The following RPRD2 variants were observed in gnomAD, a reference collection of about 807,000 sequenced individuals.
The protein encoded by RPRD2 is regulation of nuclear pre-mRNA domain-containing protein 2.
In RPRD2, 12 loss-of-function variants were observed where a neutral mutation model predicts 104.4. The ratio of observed to expected loss-of-function variants is 0.11; its 90% CI spans 0.07 to 0.19. The LOEUF (loss-of-function observed/expected upper bound fraction) is 0.19. RPRD2 is among the 10% of genes least tolerant of loss of function. The pLI, the probability that RPRD2 is intolerant of heterozygous loss-of-function variation, is 1.00. For missense variants in RPRD2, 1,543 were observed against 1,790.1 expected (o/e 0.86, Z 2.49); for synonymous variants, 714 against 684.9 (o/e 1.04, Z -0.66).
intron 2 of RPRD2, among the ~76,000 whole-genome samples, chr1:150,438,303 A>C (rs1666160560): frequency 3.4e-5 from 5 of 147,950 alleles, no homozygotes; most frequent in Admixed American, 6.8e-5. Flanking sequence ...AAAGAAAAGA[A>C]AAAAAGTCAT....
intron 1 of RPRD2, among the ~76,000 whole-genome samples, chr1:150,394,520 T>C (rs1336216875): frequency 6.6e-6 from 1 of 152,222 alleles, no homozygotes; most frequent in African/African-American, 2.4e-5. Context: ...CGGCAAGATA[T>C]TAACGATTGC....
chr1:150,423,542 G>T (rs1393298797), intron 2 of RPRD2, among the ~76,000 whole-genome samples: 4 of 152,122 alleles, frequency 2.6e-5, no homozygotes, highest in South Asian at 2.1e-4. Flanking sequence ...ACTCTTAAGG[G>T]TGTATAGAGA....
chr1:150,449,097 A>G lies in RPRD2; in HGVS notation c.870+2696A>G, dbSNP rs142739606. On this transcript the variant is annotated intron_variant, in intron 7 of 10. Transcript: ENST00000369068. Reference sequence around the variant, plus strand: ...CTGGGCAACATTGTGAGACCCTTCTATACATTAAAAGAAGAAAGAAAAGGA... The same window carrying G: ...CTGGGCAACATTGTGAGACCCTTCTGTACATTAAAAGAAGAAAGAAAAGGA... 4.3e-4 allele frequency among the ~76,000 whole-genome samples: 65 copies of G among 152,288 alleles called. No individual in the cohort carries two copies. The South Asian group carries it at 7.2e-3, about 17-fold the overall frequency.
chr1:150,443,362 G>T, intron 5 of RPRD2, 79 bp downstream of exon 5: 1 of 1,018,144 alleles, frequency 9.8e-7, no homozygotes, highest in Non-Finnish European at 1.5e-6. Context: ...AGTCCAATAA[G>T]ATTTATCTGT....
At chr1:150,375,907 C>T (rs1191253865) in intron 1 of RPRD2, among the ~76,000 whole-genome samples, 1 of 152,090 alleles carries the variant, frequency 6.6e-6, no homozygotes, top group Non-Finnish European at 1.5e-5. Flanking sequence ...ATCTATTTGT[C>T]AAGGAAACAA....
chr1:150,429,115 G>A (rs1665376982), intron 2 of RPRD2, among the ~76,000 whole-genome samples: 2 of 145,270 alleles, frequency 1.4e-5, no homozygotes, highest in Admixed American at 1.4e-4. Flanking sequence ...TTTTTTTAAT[G>A]GAGTTTTGCT....
chr1:150,375,207 C>G (rs1364411251), intron 1 of RPRD2, among the ~76,000 whole-genome samples: 1 of 152,132 alleles, frequency 6.6e-6, no homozygotes, highest in Non-Finnish European at 1.5e-5. Context: ...GCTGCTTAGT[C>G]TCTTACAGCA....
rs1367902002 is a variant in RPRD2 at position 150,444,393 on chromosome 1, T to G, written c.694+16T>G. 1.0e-5 allele frequency: 16 copies of G among 1,605,694 alleles called. No homozygotes were observed. The highest frequency in any genetic ancestry group is 1.4e-5 in the Non-Finnish European group (16 of 1,176,802). ...TGCTTAAAAGGTAATGCTTACATCC[T>G]TTTAGAGTAAGTCAGATTTTCTTTC... On this transcript the variant is annotated intron_variant, in intron 6 of 10. Coordinates refer to ENST00000369068, the MANE Select transcript of RPRD2 (RefSeq NM_015203.5).
intron 1 of RPRD2, among the ~76,000 whole-genome samples, chr1:150,373,609 T>C (rs1218066302): frequency 7.2e-6 from 1 of 139,344 alleles, no homozygotes; most frequent in Non-Finnish European, 1.5e-5. Flanking sequence ...GGGAAGGCTG[T>C]GAGTGGAGCA....
At chr1:150,369,829 G>A (rs1660166447) in intron 1 of RPRD2, among the ~76,000 whole-genome samples, 1 of 150,808 alleles carries the variant, frequency 6.6e-6, no homozygotes, top group Admixed American at 6.6e-5. Flanking sequence ...CGCCTAGGCT[G>A]GAGTACAGTG....
At chr1:150,429,562 C>T (rs1228852919) in intron 2 of RPRD2, among the ~76,000 whole-genome samples, 1 of 151,674 alleles carries the variant, frequency 6.6e-6, no homozygotes, top group African/African-American at 2.4e-5. Context: ...ACCATGTTGC[C>T]CAGGCTGGTC....
chr1:150,437,642 T>G (rs907031416), intron 2 of RPRD2, among the ~76,000 whole-genome samples: 1 of 152,020 alleles, frequency 6.6e-6, no homozygotes, highest in Admixed American at 6.6e-5. Context: ...TGCAGTGGTG[T>G]TGTCAGGGCT....
At position 150,475,276 on chromosome 1, in the gene RPRD2, G is replaced by A. The variant is rs587598841; in HGVS notation, c.*1942G>A. Reference sequence around the variant, plus strand: ...GGTGGGAGGTGGGGAAATGATATTTGACTTTCAAAATTGAAATAGGTTTTT... The same window carrying A: ...GGTGGGAGGTGGGGAAATGATATTTAACTTTCAAAATTGAAATAGGTTTTT... On this transcript the variant is annotated 3_prime_UTR_variant, in exon 11 of 11. Transcript: ENST00000369068. The A allele has an allele frequency of 1.9e-4, 29 of 152,092 alleles. No individual in the cohort carries two copies. The highest frequency in any genetic ancestry group is 3.7e-4 in the Non-Finnish European group (25 of 68,004). 9.4% of individuals were successfully genotyped at this position (152,092 alleles called of 1,614,324 possible). A position where few individuals can be genotyped will look rare whatever the true frequency, so the allele number is the denominator to read the frequency against.
chr1:150,467,673 C>T (rs1225079386), intron 10 of RPRD2, among the ~76,000 whole-genome samples: 5 of 152,026 alleles, frequency 3.3e-5, no homozygotes, highest in Admixed American at 6.6e-5. Context: ...CGTGCCTGGC[C>T]GATGTGAAAT....
intron 1 of RPRD2, among the ~76,000 whole-genome samples, chr1:150,376,519 C>T (rs1342729420): frequency 1.4e-5 from 2 of 145,432 alleles, no homozygotes; most frequent in African/African-American, 5.2e-5. Flanking sequence ...TTTTTTGAGA[C>T]GGAATCTTGC....
chr1:150,450,020 T>C (rs1050221975), intron 7 of RPRD2, among the ~76,000 whole-genome samples: 5 of 152,188 alleles, frequency 3.3e-5, no homozygotes, highest in Non-Finnish European at 7.3e-5. Context: ...TCATTAATAC[T>C]TTATTCTGTT....
At chr1:150,380,701 C>T (rs1249055738) in intron 1 of RPRD2, among the ~76,000 whole-genome samples, 2 of 151,806 alleles carry the variant, frequency 1.3e-5, no homozygotes, top group Non-Finnish European at 2.9e-5. Context: ...TGTCGCCAGG[C>T]TGGAGTGCAA....
rs1385783702 is a variant in RPRD2 at position 150,475,625 on chromosome 1, T to C, written c.*2291T>C. ...AATCCTCAATATGTTTGTTTTAGGA[T>C]GGAAGTGAGGATTTGTATGAGACTG... On this transcript the variant is annotated 3_prime_UTR_variant, in exon 11 of 11. Transcript: ENST00000369068. The C allele has an allele frequency of 6.6e-6, 1 of 152,558 alleles. No homozygotes were observed. Among genetic ancestry groups the C allele is most frequent in the Non-Finnish European group, 1.5e-5 (1 of 68,022 alleles). The allele number at this position is 152,558 out of a possible 1,614,324, so 9.5% of individuals were successfully genotyped here. A position where few individuals can be genotyped will look rare whatever the true frequency, so the allele number is the denominator to read the frequency against.
chr1:150,394,822 T>C (rs1662364356), intron 1 of RPRD2, among the ~76,000 whole-genome samples: 1 of 151,898 alleles, frequency 6.6e-6, no homozygotes, highest in Admixed American at 6.6e-5. Flanking sequence ...GCTCAAGCAA[T>C]CTGTTTCCTC....
Sources: gnomAD v4.1 joint callset for allele counts (sites outside exome capture counted in the v4.1 genomes callset) on GRCh38, gnomAD v4.1.1 for gene constraint, MANE v1.5 for transcripts, NCBI Gene and HGNC (gene_info 2026-07-23, HGNC 2026-07-21) for gene names.